Variants in DNMT3A observed in about 807,000 individuals in gnomAD.
DNMT3A encodes the protein DNA methyltransferase 3 alpha.
A neutral mutation model predicts 117.6 loss-of-function variants in DNMT3A; 267 were observed. The observed-to-expected ratio is 2.27, with a 90% CI of 2.05 to 2.51. The LOEUF is 2.51. Ranked by LOEUF, DNMT3A falls within the 30% of genes most tolerant of loss-of-function variation. The pLI, the probability that DNMT3A is intolerant of heterozygous loss-of-function variation, is 0.00. For synonymous variants in DNMT3A, 432 were observed against 474.8 expected (o/e 0.91, Z 1.17); for missense variants, 1,029 against 1,260.2 (o/e 0.82, Z 2.78).
At position 25,247,531 on chromosome 2, in the gene DNMT3A, C is replaced by T; in HGVS notation, c.1014+60G>A. ...TCCAGACTGCCCCCAGCCAAAACCA[C>T]AGGCCCTGGGATCAAGAACCTTCCC... On this transcript the variant is annotated intron_variant, in intron 8 of 22. Transcript: ENST00000321117. The surrounding 1 kb of genome is among the most constrained non-coding windows in gnomAD (Gnocchi z 5.6). 6.3e-7 allele frequency: 1 copy of T among 1,586,648 alleles called. No homozygotes were observed. Among genetic ancestry groups the T allele is most frequent in the Non-Finnish European group, 8.6e-7 (1 of 1,164,376 alleles).
At chr2:25,285,339 C>CA (rs1348116725) in intron 3 of DNMT3A, among the ~76,000 whole-genome samples, 1 of 152,226 alleles carries the variant, frequency 6.6e-6, no homozygotes, top group Non-Finnish European at 1.5e-5. Flanking sequence ...CAATTAGGGA[C>CA]AAGGGCCTTG....
At chr2:25,309,476 A>G (rs1198477829) in intron 2 of DNMT3A, among the ~76,000 whole-genome samples, 1 of 152,186 alleles carries the variant, frequency 6.6e-6, no homozygotes, top group African/African-American at 2.4e-5. Flanking sequence ...CAAGGGCAAG[A>G]GCGCCATTAT....
rs553820843 is a variant in DNMT3A at position 25,291,560 on chromosome 2, C to T, written c.177+8579G>A. The stretch of plus-strand genomic sequence containing the variant: ...CTTTTCCCTGTGGGGTGGCTAAAAG[C>T]GCAGCCAGTGGGGTCAGGGATGGCG... On this transcript the variant is annotated intron_variant, in intron 3 of 22. Coordinates refer to ENST00000321117, the MANE Select transcript of DNMT3A (RefSeq NM_022552.5). Among the ~76,000 whole-genome samples the T allele has an allele frequency of 4.9e-4, 74 of 152,362 alleles. 1 individual carries two copies. The highest frequency in any genetic ancestry group is 8.4e-4 in the Non-Finnish European group (57 of 68,038).
rs1672756981 is a variant in DNMT3A at position 25,228,402 on chromosome 2, C to G, written c.*5877G>C. ...GCGTGGAATGTGGAGTAAAAGTGCT[C>G]TGCCACCGGGGTCAAAGCGAAATCG... On this transcript the variant is annotated 3_prime_UTR_variant, in exon 23 of 23. Transcript: ENST00000321117. 6.6e-6 allele frequency: 1 copy of G among 151,724 alleles called. No individual in the cohort carries two copies. Among genetic ancestry groups the G allele is most frequent in the Non-Finnish European group, 1.5e-5 (1 of 67,982 alleles). 9.4% of individuals were successfully genotyped at this position (151,724 alleles called of 1,614,324 possible).
At position 25,270,008 on chromosome 2, in the gene DNMT3A, C is replaced by T. The variant is rs2030722618; in HGVS notation, c.639+4933G>A. Among the ~76,000 whole-genome samples the T allele has an allele frequency of 2.0e-5, 3 of 152,114 alleles. No homozygotes were observed. The South Asian group carries it at 6.2e-4, about 32-fold the overall frequency. On this transcript the variant is annotated intron_variant, in intron 6 of 22. Transcript: ENST00000321117. ...GTGCGTTCCCAGGGAAGAAGCCCCC[C>T]AGGTGGGGCACACAGCCTAGGGGAA...
chr2:25,234,511 C>T lies in DNMT3A; in HGVS notation c.2598-91G>A. ...TAACCACACAGCAGGACCCGGAGGA[C>T]CAGCAGCCACCCGAAGTGCAGGGAC... On this transcript the variant is annotated intron_variant, in intron 22 of 22. Coordinates refer to ENST00000321117, the MANE Select transcript of DNMT3A (RefSeq NM_022552.5). The surrounding 1 kb of genome is among the most constrained non-coding windows in gnomAD (Gnocchi z 4.5). The T allele has an allele frequency of 7.0e-7, 1 of 1,438,370 alleles. No individual in the cohort carries two copies. 89.1% of individuals were successfully genotyped at this position (1,438,370 alleles called of 1,614,324 possible).
rs777214520 is a variant in DNMT3A at position 25,240,675 on chromosome 2, AG to A, written c.2137del (p.Leu713SerfsTer66). On this transcript the variant is annotated frameshift_variant, in exon 18 of 23. Transcript: ENST00000321117. LOFTEE classifies it high-confidence loss of function. The part of the protein sequence containing the change: ...LVIGGSPCND[L>X]SIVNPARKGL... Reference sequence around the variant, plus strand: ...CTTGCGAGCAGGGTTGACGATGGAGAGGTCATTGCAGGGACTGCCCCCAATC... The same window carrying A: ...CTTGCGAGCAGGGTTGACGATGGAGAGTCATTGCAGGGACTGCCCCCAATC... 2 of 1,614,190 alleles carry A rather than the reference AG, an allele frequency of 1.2e-6. No homozygotes were observed. The highest frequency in any genetic ancestry group is 1.7e-6 in the Non-Finnish European group (2 of 1,180,012).
rs1184125497 is a variant in DNMT3A at position 25,297,507 on chromosome 2, G to GTT, written c.177+2630_177+2631dup. Among the ~76,000 whole-genome samples the GTT allele has an allele frequency of 3.1e-3, 388 of 123,410 alleles. 5 individuals carry two copies. The highest frequency in any genetic ancestry group is 8.7e-3 in the Middle Eastern group (2 of 230). 81.0% of individuals were successfully genotyped at this position (123,410 alleles called of 152,430 possible). A position where few individuals can be genotyped will look rare whatever the true frequency, so the allele number is the denominator to read the frequency against. On this transcript the variant is annotated intron_variant, in intron 3 of 22. Transcript: ENST00000321117. ...TTTTTTACACAGCCAGCTCTGCATT[G>GTT]TTTTTTTTTTTTTTTTTTTTTGAGA...
At chr2:25,265,750 C>G (rs1048445204) in intron 6 of DNMT3A, among the ~76,000 whole-genome samples, 1 of 150,538 alleles carries the variant, frequency 6.6e-6, no homozygotes, top group Non-Finnish European at 1.5e-5. Context: ...ACCCAAGAGG[C>G]AGAGGTTGCA....
Position 25,247,590 on chromosome 2 carries a change from C to A in DNMT3A, c.1014+1G>T. On this transcript the variant is annotated splice_donor_variant, in intron 8 of 22. Transcript: ENST00000321117. LOFTEE classifies it high-confidence loss of function. The surrounding 1 kb of genome is among the most constrained non-coding windows in gnomAD (Gnocchi z 5.6). ...GGCTACTGCCAAACCCCACAACTTA[C>A]CACTGAGAATTTGCCGTCTCCGAAC... The A allele has an allele frequency of 6.2e-7, 1 of 1,613,900 alleles. No individual in the cohort carries two copies. The highest frequency in any genetic ancestry group is 8.5e-7 in the Non-Finnish European group (1 of 1,179,892).
rs968515380 is a variant in DNMT3A at position 25,306,228 on chromosome 2, T to G, written c.73-5985A>C. Reference sequence around the variant, plus strand: ...ACACACACCCGTGCCCAGGCCAACCTGCAGAGGCTGATCCCAGCGTGAGGG... The same window carrying G: ...ACACACACCCGTGCCCAGGCCAACCGGCAGAGGCTGATCCCAGCGTGAGGG... On this transcript the variant is annotated intron_variant, in intron 2 of 22. Transcript: ENST00000321117. This position sits in a 1 kb window ranked among gnomAD's most constrained non-coding sequence, Gnocchi z 4.1. Among the ~76,000 whole-genome samples the G allele has an allele frequency of 6.6e-6, 1 of 152,194 alleles. No individual in the cohort carries two copies. Among genetic ancestry groups the G allele is most frequent in the Non-Finnish European group, 1.5e-5 (1 of 68,022 alleles).
At position 25,257,207 on chromosome 2, in the gene DNMT3A, G is replaced by C. The variant is rs1448512051; in HGVS notation, c.640-8955C>G. 1.3e-5 allele frequency among the ~76,000 whole-genome samples: 2 copies of C among 152,208 alleles called. No individual in the cohort carries two copies. Among genetic ancestry groups the C allele is most frequent in the East Asian group, 1.9e-4 (1 of 5,196 alleles). ...AGTTAGCAGGACTTGTTGCTAAGGA[G>C]ACCAGTCGCAGAGAGAGCAACTAAG... On this transcript the variant is annotated intron_variant, in intron 6 of 22. Transcript: ENST00000321117. The surrounding 1 kb of genome is among the most constrained non-coding windows in gnomAD (Gnocchi z 4.8).
In DNMT3A at chr2:25,275,159, A is replaced by G. The variant is rs530678411; in HGVS notation, c.493-72T>C. ...GACCCACCAAGGAGGCACTCGCCTC[A>G]AACACAATGTGGACACTGGCTCCTG... On this transcript the variant is annotated intron_variant, in intron 5 of 22. Coordinates refer to ENST00000321117, the MANE Select transcript of DNMT3A (RefSeq NM_022552.5). The G allele has an allele frequency of 6.2e-5, 91 of 1,478,914 alleles. No individual in the cohort carries two copies. The East Asian group carries it at 2.1e-3, about 34-fold the overall frequency. The allele number at this position is 1,478,914 out of a possible 1,614,324, so 91.6% of individuals were successfully genotyped here.
rs1181336036 is a variant in DNMT3A, at chr2:25,236,178, G to A, written c.2479-353C>T. Among the ~76,000 whole-genome samples, 1 of 151,790 alleles carries A rather than the reference G, an allele frequency of 6.6e-6. No individual in the cohort carries two copies. Among genetic ancestry groups the A allele is most frequent in the Non-Finnish European group, 1.5e-5 (1 of 67,996 alleles). On this transcript the variant is annotated intron_variant, in intron 21 of 22. Transcript: ENST00000321117. This position sits in a 1 kb window ranked among gnomAD's most constrained non-coding sequence, Gnocchi z 4.5. ...CCTCCCGGGTTCAAGCGATTCTAAT[G>A]CCTCAGACTCCTGAGTAGCTGGGAC...
At chr2:25,329,175 G>A (rs76432632) in intron 1 of DNMT3A, among the ~76,000 whole-genome samples, 312 of 152,244 alleles carry the variant, frequency 2.0e-3, no homozygotes, top group African/African-American at 7.1e-3. Context: ...GGAGGGGGCC[G>A]AGGGAGGGAG....
At chr2:25,239,841 C>T (rs1673774509) in intron 19 of DNMT3A, among the ~76,000 whole-genome samples, 1 of 152,222 alleles carries the variant, frequency 6.6e-6, no homozygotes. Context: ...AGACTTGGCT[C>T]AGGGTTAAAC....
intron 1 of DNMT3A, among the ~76,000 whole-genome samples, chr2:25,320,156 A>C (rs2034538700): frequency 6.6e-6 from 1 of 152,246 alleles, no homozygotes; most frequent in Admixed American, 6.5e-5. Context: ...AGGACACGAA[A>C]GCCAGAAAAC....
rs1044319838 is a variant in DNMT3A, at chr2:25,275,175, C to G, written c.493-88G>C. ...ACTCGCCTCAAACACAATGTGGACA[C>G]TGGCTCCTGGCCAGAGAGGGCACCC... On this transcript the variant is annotated intron_variant, in intron 5 of 22. Coordinates refer to ENST00000321117, the MANE Select transcript of DNMT3A (RefSeq NM_022552.5). 2.1e-6 allele frequency: 3 copies of G among 1,452,396 alleles called. No individual in the cohort carries two copies. In the African/African-American group the frequency reaches 4.2e-5, roughly 21 times the overall value. The allele number at this position is 1,452,396 out of a possible 1,614,324, so 90.0% of individuals were successfully genotyped here. A position where few individuals can be genotyped will look rare whatever the true frequency, so the allele number is the denominator to read the frequency against.
chr2:25,336,580 T>A (rs2149452337), intron 1 of DNMT3A, among the ~76,000 whole-genome samples: 1 of 152,206 alleles, frequency 6.6e-6, no homozygotes, highest in Middle Eastern at 3.4e-3. Context: ...ATAGAAAGAA[T>A]CAGGATCCGA....
Sources: gnomAD v4.1 joint callset for allele counts (sites outside exome capture counted in the v4.1 genomes callset) on GRCh38, gnomAD v4.1.1 for gene constraint, Gnocchi (gnomAD v3.1) non-coding constraint, MANE v1.5 for transcripts, NCBI Gene and HGNC (gene_info 2026-07-23, HGNC 2026-07-21) for gene names.